The following EHBP1 variants were observed in gnomAD, a reference collection of about 807,000 sequenced individuals.
EHBP1 encodes the protein EH domain-binding protein 1.
A neutral mutation model predicts 144.0 loss-of-function variants in EHBP1; 55 were observed. The observed-to-expected ratio is 0.38, with a 90% CI of 0.31 to 0.48. EHBP1 has a LOEUF of 0.48. EHBP1 is among the 20% of genes least tolerant of loss of function. The pLI, the probability that EHBP1 is intolerant of heterozygous loss-of-function variation, is 0.98. For synonymous variants in EHBP1, 469 were observed against 472.7 expected, an observed-to-expected ratio of 0.99 and a Z score of 0.10; for missense variants, 1,200 against 1,364.2, an observed-to-expected ratio of 0.88 and a Z score of 1.90.
chr2:62,993,682 T>A lies in EHBP1; in HGVS notation c.2872+14T>A, dbSNP rs1207019218. ...AGAATAGACCAGGTAGAACACTTTT[T>A]AAAATGTTTTTCCATGTTATGGTTT... is the stretch of plus-strand genomic sequence containing the variant. On this transcript the variant is annotated intron_variant, in intron 17 of 22. Coordinates refer to ENST00000431489, the MANE Select transcript of EHBP1 (RefSeq NM_001142616.3). The A allele has an allele frequency of 7.2e-6, 11 of 1,536,300 alleles. No individual in the cohort carries two copies. The highest frequency in any genetic ancestry group is 9.7e-6 in the Non-Finnish European group (11 of 1,137,410).
chr2:62,913,672 A>G (rs1249627911), intron 10 of EHBP1, among the ~76,000 whole-genome samples: 1 of 152,232 alleles, frequency 6.6e-6, no homozygotes, highest in Non-Finnish European at 1.5e-5. Context: ...GCATTGATAC[A>G]AAGTTTTGCA....
chr2:62,850,883 A>C (rs985478388), intron 7 of EHBP1, among the ~76,000 whole-genome samples: 1 of 152,204 alleles, frequency 6.6e-6, no homozygotes, highest in Non-Finnish European at 1.5e-5. Flanking sequence ...ATACATAACA[A>C]AATTATATAT....
intron 7 of EHBP1, among the ~76,000 whole-genome samples, chr2:62,838,312 AC>A (rs1444912175): frequency 6.6e-6 from 1 of 152,228 alleles, no homozygotes; most frequent in African/African-American, 2.4e-5. Flanking sequence ...GACACAACAT[AC>A]CACAATCTCT....
At chr2:62,850,814 A>G (rs888710693) in intron 7 of EHBP1, among the ~76,000 whole-genome samples, 1 of 152,202 alleles carries the variant, frequency 6.6e-6, no homozygotes, top group Non-Finnish European at 1.5e-5. Context: ...TCCGATTGTA[A>G]AAGTAAAACA....
chr2:62,996,531 T>A (rs2059632733), intron 18 of EHBP1, 112 bp from the exon 19 acceptor site: 1 of 1,339,448 alleles, frequency 7.5e-7, no homozygotes, highest in Non-Finnish European at 1.0e-6. Flanking sequence ...CTAAGGGTGA[T>A]ACTAACGGTG....
chr2:62,811,272 G>C (rs2044983947), intron 5 of EHBP1, among the ~76,000 whole-genome samples: 1 of 152,110 alleles, frequency 6.6e-6, no homozygotes, highest in South Asian at 2.1e-4. Flanking sequence ...AGCTTCCTGT[G>C]GCATGTCTGC....
At chr2:62,826,866 C>G (rs574526080) in intron 6 of EHBP1, among the ~76,000 whole-genome samples, 222 of 152,208 alleles carry the variant, frequency 1.5e-3, no homozygotes, top group Middle Eastern at 6.8e-3. Context: ...ATGAGGTGAA[C>G]ATACCTACAA....
chr2:62,712,020 GT>G (rs2035190652), intron 2 of EHBP1, among the ~76,000 whole-genome samples: 1 of 152,120 alleles, frequency 6.6e-6, no homozygotes, highest in Admixed American at 6.5e-5. Flanking sequence ...AGGGTTCAAG[GT>G]ACATTTTTTG....
chr2:62,981,069 CA>C (rs754301803), intron 15 of EHBP1, among the ~76,000 whole-genome samples: 1,658 of 48,288 alleles, frequency 0.034, 28 homozygotes, highest in African/African-American at 0.11. Flanking sequence ...GATGCTGTCT[CA>C]AAAAAAAAAA....
intron 1 of EHBP1, among the ~76,000 whole-genome samples, chr2:62,690,511 C>T (rs1300561415): frequency 6.6e-6 from 1 of 151,724 alleles, no homozygotes; most frequent in Non-Finnish European, 1.5e-5. Context: ...TGCAGTGAGC[C>T]GAGATCATGC....
At position 63,046,216 on chromosome 2, in the gene EHBP1, G is replaced by A. The variant is rs564590279; in HGVS notation, c.*716G>A. 4 of 152,616 alleles carry A rather than the reference G, an allele frequency of 2.6e-5. No individual in the cohort carries two copies. The East Asian group carries it at 7.7e-4, about 29-fold the overall frequency. The allele number at this position is 152,616 out of a possible 1,614,324, so 9.5% of individuals were successfully genotyped here. A position where few individuals can be genotyped will look rare whatever the true frequency, so the allele number is the denominator to read the frequency against. ...GTTTACAAAGACAGTCTTATCATCC[G>A]AGAATACACCATCTTTTTCTCTGGA... On this transcript the variant is annotated 3_prime_UTR_variant, in exon 23 of 23. Transcript: ENST00000431489.
chr2:62,854,875 T>G (rs1273530603), intron 7 of EHBP1, among the ~76,000 whole-genome samples: 1 of 152,142 alleles, frequency 6.6e-6, no homozygotes, highest in African/African-American at 2.4e-5. Flanking sequence ...GCCCCGCCCC[T>G]TCTGAGTTGG....
intron 10 of EHBP1, among the ~76,000 whole-genome samples, chr2:62,935,662 G>C (rs2056335943): frequency 1.3e-5 from 2 of 151,848 alleles, no homozygotes; most frequent in African/African-American, 4.8e-5. Flanking sequence ...TTACAATTTT[G>C]TTTCTTTTTT....
At chr2:62,681,322 T>TTGTA (rs1287773759) in intron 1 of EHBP1, among the ~76,000 whole-genome samples, 42 of 36,048 alleles carry the variant, frequency 1.2e-3, no homozygotes, top group Middle Eastern at 0.011. Flanking sequence ...ATATATATAT[T>TTGTA]TGTATGTATG....
chr2:62,707,398 T>A, intron 2 of EHBP1, 103 bp downstream of exon 2: 1 of 819,046 alleles, frequency 1.2e-6, no homozygotes, highest in Non-Finnish European at 2.1e-6. Context: ...TATAGTGCAC[T>A]AGTGTGTAGA....
At chr2:62,837,686 A>C (rs1339147061) in intron 7 of EHBP1, among the ~76,000 whole-genome samples, 3 of 149,080 alleles carry the variant, frequency 2.0e-5, no homozygotes, top group African/African-American at 7.4e-5. Context: ...CAGGGGTTGC[A>C]ATCCTAGTCT....
intron 19 of EHBP1, among the ~76,000 whole-genome samples, chr2:63,035,602 CA>C (rs1244618991): frequency 1.3e-5 from 2 of 151,872 alleles, no homozygotes; most frequent in East Asian, 3.8e-4. Context: ...AAGTTAAACG[CA>C]AAAGAAAGTT....
At chr2:62,888,762 G>C (rs1190757581) in intron 10 of EHBP1, among the ~76,000 whole-genome samples, 2 of 152,134 alleles carry the variant, frequency 1.3e-5, no homozygotes, top group Admixed American at 1.3e-4. Flanking sequence ...GGAAGCACTG[G>C]TTAGCTCACC....
chr2:62,909,918 C>T (rs1362181308), intron 10 of EHBP1, among the ~76,000 whole-genome samples: 1 of 152,016 alleles, frequency 6.6e-6, no homozygotes, highest in African/African-American at 2.4e-5. Context: ...TCACCACACC[C>T]AGCAAATTTT....
Sources: allele counts gnomAD v4.1 joint callset (sites outside exome capture counted in the v4.1 genomes callset), GRCh38; gene constraint gnomAD v4.1.1; transcripts MANE v1.5; gene names NCBI Gene and HGNC (gene_info 2026-07-23, HGNC 2026-07-21).